Variants in CCDC91 observed in about 807,000 individuals in gnomAD.
CCDC91 encodes coiled-coil domain-containing protein 91.
In CCDC91, 48 loss-of-function variants were observed where a neutral mutation model predicts 63.2. The observed-to-expected ratio is 0.76, with a 90% CI of 0.60 to 0.97. The LOEUF is 0.97. CCDC91 is among the 50% of genes least tolerant of loss of function. The pLI is 0.00. For missense variants in CCDC91, 500 were observed against 494.6 expected (o/e 1.01, Z -0.10); for synonymous variants, 167 against 165.8 (o/e 1.01, Z -0.06).
intron 3 of CCDC91, among the ~76,000 whole-genome samples, chr12:28,292,832 C>G (rs943901901): frequency 3.3e-5 from 5 of 152,080 alleles, no homozygotes; most frequent in African/African-American, 1.2e-4. Flanking sequence ...TAGATGTACA[C>G]TTGGGCAAAG....
At chr12:28,542,756 T>TC (rs1942717636) in intron 12 of CCDC91, among the ~76,000 whole-genome samples, 1 of 152,112 alleles carries the variant, frequency 6.6e-6, no homozygotes, top group African/African-American at 2.4e-5. Flanking sequence ...TTTTTAATCC[T>TC]CCATTTCCCA....
At chr12:28,256,970 T>C (rs2136167191) in intron 1 of CCDC91, 1 of 431,000 alleles carries the variant, frequency 2.3e-6, no homozygotes, top group Non-Finnish European at 4.1e-6. Context: ...ATTTTTCCAC[T>C]CCTGGCATCT....
At chr12:28,268,622 C>T in intron 3 of CCDC91, 3 of 982,696 alleles carry the variant, frequency 3.1e-6, no homozygotes, top group Non-Finnish European at 2.4e-6. Context: ...AATGAGGGCT[C>T]CATTATTTTG....
At chr12:28,222,882 C>G (rs914405515) in intron 1 of CCDC91, among the ~76,000 whole-genome samples, 6 of 152,130 alleles carry the variant, frequency 3.9e-5, no homozygotes, top group African/African-American at 1.4e-4. Context: ...TATGTGGTAA[C>G]AAATACCACC....
chr12:28,495,356 AC>A (rs1418020891), intron 12 of CCDC91, among the ~76,000 whole-genome samples: 2 of 151,586 alleles, frequency 1.3e-5, no homozygotes, highest in Non-Finnish European at 3.0e-5. Context: ...TTTAAGTTGG[AC>A]TTTTTTGGAT....
At position 28,549,054 on chromosome 12, in the gene CCDC91, A is replaced by T; in HGVS notation, c.1216-9A>T. 6.3e-7 allele frequency: 1 copy of T among 1,585,732 alleles called. No individual in the cohort carries two copies. The highest frequency in any genetic ancestry group is 8.6e-7 in the Non-Finnish European group (1 of 1,156,128). Reference sequence around the variant, plus strand: ...TCTCTTTCTCTCTCTCTTTAAAAAAATTAAACAGCTCGATCAAGTCATCCG... The same window carrying T: ...TCTCTTTCTCTCTCTCTTTAAAAAATTTAAACAGCTCGATCAAGTCATCCG... On this transcript the variant is annotated splice_polypyrimidine_tract_variant and intron_variant, in intron 12 of 12. Transcript: ENST00000536442.
At chr12:28,371,352 T>C (rs1944610972) in intron 7 of CCDC91, among the ~76,000 whole-genome samples, 1 of 152,138 alleles carries the variant, frequency 6.6e-6, no homozygotes, top group Non-Finnish European at 1.5e-5. Flanking sequence ...GGTTACATGC[T>C]CCTTATGAGA....
rs759033878 is a variant in CCDC91 at position 28,265,968 on chromosome 12, A to T, written c.109+6526A>T. Among the ~76,000 whole-genome samples the T allele has an allele frequency of 2.0e-5, 3 of 152,176 alleles. No individual in the cohort carries two copies. In the South Asian group the frequency reaches 6.2e-4, roughly 31 times the overall value. On this transcript the variant is annotated intron_variant, in intron 3 of 12. Transcript: ENST00000536442. ...TAATAATTTTGTAGTGCCTTTACAC[A>T]GATTATTTGAATAGAAATTTGTCAC...
At chr12:28,542,532 G>A (rs1309334533) in intron 12 of CCDC91, among the ~76,000 whole-genome samples, 1 of 152,082 alleles carries the variant, frequency 6.6e-6, no homozygotes, top group Non-Finnish European at 1.5e-5. Context: ...TGCGAATGAT[G>A]GCTTTGAATG....
At chr12:28,466,727 G>C (rs1950568242) in intron 11 of CCDC91, among the ~76,000 whole-genome samples, 1 of 152,084 alleles carries the variant, frequency 6.6e-6, no homozygotes, top group Non-Finnish European at 1.5e-5. Flanking sequence ...GAGTACTTCA[G>C]TCAGAAAGAA....
In CCDC91 at chr12:28,393,379, A is replaced by ATTT. The variant is rs556210228; in HGVS notation, c.762+1980_762+1982dup. ...CTTTGTATTTTTTTTTCTTTTTGAA[A>ATTT]TTTTTTTTTTTTTTACTAGCCTGCC... On this transcript the variant is annotated intron_variant, in intron 8 of 12. Coordinates refer to ENST00000536442, the MANE Select transcript of CCDC91 (RefSeq NM_018318.5). Among the ~76,000 whole-genome samples, 152 of 141,256 alleles carry ATTT rather than the reference A, an allele frequency of 1.1e-3. 4 individuals are homozygous for ATTT. In the East Asian group the frequency reaches 0.018, roughly 17 times the overall value. 92.7% of individuals were successfully genotyped at this position (141,256 alleles called of 152,430 possible). A position where few individuals can be genotyped will look rare whatever the true frequency, so the allele number is the denominator to read the frequency against.
At chr12:28,417,566 T>C (rs1947743492) in intron 8 of CCDC91, among the ~76,000 whole-genome samples, 1 of 151,726 alleles carries the variant, frequency 6.6e-6, no homozygotes, top group Admixed American at 6.6e-5. Flanking sequence ...TATTGAGGCA[T>C]AAATGTATAT....
At chr12:28,539,979 C>T (rs1356622416) in intron 12 of CCDC91, among the ~76,000 whole-genome samples, 3 of 151,998 alleles carry the variant, frequency 2.0e-5, no homozygotes, top group African/African-American at 7.3e-5. Context: ...GCTTTGTTAC[C>T]TTGGTTTAAT....
chr12:28,365,755 C>A (rs1208868216), intron 7 of CCDC91, among the ~76,000 whole-genome samples: 1 of 152,154 alleles, frequency 6.6e-6, no homozygotes, highest in Non-Finnish European at 1.5e-5. Flanking sequence ...AAGGAAGGAA[C>A]TTAAAGTCAT....
At position 28,516,418 on chromosome 12, in the gene CCDC91, C is replaced by T. The variant is rs573186331; in HGVS notation, c.1215+32253C>T. On this transcript the variant is annotated intron_variant, in intron 12 of 12. Coordinates refer to ENST00000536442, the MANE Select transcript of CCDC91 (RefSeq NM_018318.5). ...AGGAATTCAAGACTAGCCTGGTCAA[C>T]ATGGCAAAACCACATCTCTACAAAA... 3.3e-5 allele frequency among the ~76,000 whole-genome samples: 5 copies of T among 151,828 alleles called. No homozygotes were observed. In the South Asian group the frequency reaches 6.2e-4, roughly 19 times the overall value.
intron 3 of CCDC91, among the ~76,000 whole-genome samples, chr12:28,282,161 A>G (rs1028822986): frequency 1.3e-5 from 2 of 152,156 alleles, no homozygotes; most frequent in African/African-American, 4.8e-5. Flanking sequence ...TTAAGTTGGT[A>G]ATGCGTTTTA....
At chr12:28,194,121 A>G (rs1941525344) in intron 1 of CCDC91, among the ~76,000 whole-genome samples, 2 of 143,154 alleles carry the variant, frequency 1.4e-5, no homozygotes, top group African/African-American at 5.2e-5. Context: ...GCCTAATCCA[A>G]CGTTGCAAAG....
chr12:28,405,460 T>C (rs984225333), intron 8 of CCDC91, among the ~76,000 whole-genome samples: 2 of 152,186 alleles, frequency 1.3e-5, no homozygotes, highest in African/African-American at 2.4e-5. Flanking sequence ...AATTCACTTA[T>C]TCCTTCTCAG....
chr12:28,525,900 T>C (rs935296225), intron 12 of CCDC91, among the ~76,000 whole-genome samples: 8 of 152,148 alleles, frequency 5.3e-5, no homozygotes, highest in African/African-American at 1.9e-4. Flanking sequence ...TTATGTGATA[T>C]AGGAATAGCT....
Sources: gnomAD v4.1 joint callset for allele counts (sites outside exome capture counted in the v4.1 genomes callset) on GRCh38, gnomAD v4.1.1 for gene constraint, MANE v1.5 for transcripts, NCBI Gene and HGNC (gene_info 2026-07-23, HGNC 2026-07-21) for gene names.